The following PDE4C variants were observed in gnomAD, a reference collection of about 807,000 sequenced individuals.
PDE4C encodes the protein 3',5'-cyclic-AMP phosphodiesterase 4C.
A neutral mutation model predicts 63.9 loss-of-function variants in PDE4C; 50 were observed. The ratio of observed to expected loss-of-function variants is 0.78; its 90% CI spans 0.62 to 0.99. PDE4C has a LOEUF of 0.99. Ranked by LOEUF, PDE4C falls within the 50% of genes least tolerant of loss-of-function variation. The pLI is 0.00. For missense variants in PDE4C, 777 were observed against 899.1 expected, an observed-to-expected ratio of 0.86 and a Z score of 1.74; for synonymous variants, 377 against 385.1, an observed-to-expected ratio of 0.98 and a Z score of 0.25.
At chr19:18,218,269 G>A (rs542655430) in intron 10 of PDE4C, 21 bp from the exon 11 acceptor site, 6 of 1,613,778 alleles carry the variant, frequency 3.7e-6, no homozygotes, top group East Asian at 2.2e-5. Flanking sequence ...AGAGGGCACA[G>A]GCGGTGAGGG....
rs1274286647 is a variant in PDE4C, at chr19:18,220,736, C to A, written c.499+138G>T. On this transcript the variant is annotated intron_variant, in intron 5 of 14. Coordinates refer to ENST00000262805, the Ensembl canonical transcript of PDE4C. This position sits in a 1 kb window ranked among gnomAD's most constrained non-coding sequence, Gnocchi z 5.1. ...GTAATATGAGTGTGGTGGGGTCCAT[C>A]CCCGAGGGCGTTATTGTTTTTGCAG... 2.2e-6 allele frequency: 2 copies of A among 910,568 alleles called. No homozygotes were observed. Among genetic ancestry groups the A allele is most frequent in the Admixed American group, 4.1e-5 (2 of 48,424 alleles). 56.4% of individuals were successfully genotyped at this position (910,568 alleles called of 1,614,324 possible).
rs1287118743 is a variant in PDE4C at position 18,222,339 on chromosome 19, G to T, written c.147-16C>A. 6.2e-7 allele frequency: 1 copy of T among 1,602,728 alleles called. No homozygotes were observed. The highest frequency in any genetic ancestry group is 8.5e-7 in the Non-Finnish European group (1 of 1,173,732). On this transcript the variant is annotated splice_polypyrimidine_tract_variant and intron_variant, in intron 1 of 14. Coordinates refer to ENST00000262805, the Ensembl canonical transcript of PDE4C. ...CAGGTCAAAGCTGAAAGGAGAGACGGCATGGTCAGAGACGAGGGTCATGAC... is the reference window on the plus strand; with the variant it reads ...CAGGTCAAAGCTGAAAGGAGAGACGTCATGGTCAGAGACGAGGGTCATGAC...
upstream of PDE4C, among the ~76,000 whole-genome samples, chr19:18,229,323 C>T (rs1236407923): frequency 6.6e-6 from 1 of 151,988 alleles, no homozygotes; most frequent in African/African-American, 2.4e-5. Flanking sequence ...TCACTGCAAC[C>T]TCTGCCTCCT....
chr19:18,240,513 A>G (rs561829063), intron 1 of PDE4C, among the ~76,000 whole-genome samples: 68 of 151,892 alleles, frequency 4.5e-4, no homozygotes, highest in African/African-American at 1.6e-3. Flanking sequence ...GGATCACAAG[A>G]TCAAGAGATC....
At chr19:18,240,425 C>CA (rs35192077) in intron 1 of PDE4C, among the ~76,000 whole-genome samples, 55,562 of 114,246 alleles carry the variant, frequency 0.49, 13,905 homozygotes, top group African/African-American at 0.61. Context: ...GAAACTCTGT[C>CA]AAAAAAAAAA....
chr19:18,218,019 A>G, intron 11 of PDE4C, 130 bp downstream of exon 11: 1 of 711,694 alleles, frequency 1.4e-6, no homozygotes, highest in Non-Finnish European at 2.5e-6. Context: ...GGGAGGGAAA[A>G]CTGTCATAGT....
intron 1 of PDE4C, among the ~76,000 whole-genome samples, chr19:18,225,185 A>G (rs1459636739): frequency 2.0e-5 from 3 of 152,110 alleles, no homozygotes; most frequent in Admixed American, 2.0e-4. Context: ...GGCTGTGGGA[A>G]CGGCGCGGCT....
rs772774240 is a variant in PDE4C, at chr19:18,222,168, T to C, written c.302A>G (p.Lys101Arg). The change falls in exon 2 of 15, where the codon AAG (lysine) becomes AGG (arginine). Residue 101 changes from lysine (K) to arginine (R), a missense_variant. Lys to Arg is a conservative substitution (Grantham distance 26). Around this residue, in one of 3 missense-constraint regions of PDE4C, gnomAD observed 249 missense variants for 247.8 expected, o/e 1.00. Coordinates refer to ENST00000262805, the Ensembl canonical transcript of PDE4C. ...CACAGAGGAGTTCCGAGACATGGCC[T>C]TGGGCGAGAGTTCATAGTCGCTATC... 5.0e-6 allele frequency: 8 copies of C among 1,613,856 alleles called. No individual in the cohort carries two copies. In the South Asian group the frequency reaches 5.5e-5, roughly 11 times the overall value.
chr19:18,220,164 T>C lies in PDE4C; in HGVS notation c.706+62A>G. 7.6e-7 allele frequency: 1 copy of C among 1,321,470 alleles called. No individual in the cohort carries two copies. Among genetic ancestry groups the C allele is most frequent in the Non-Finnish European group, 1.1e-6 (1 of 915,972 alleles). The allele number at this position is 1,321,470 out of a possible 1,614,324, so 81.9% of individuals were successfully genotyped here. A position where few individuals can be genotyped will look rare whatever the true frequency, so the allele number is the denominator to read the frequency against. On this transcript the variant is annotated intron_variant, in intron 7 of 14. Transcript: ENST00000262805. The surrounding 1 kb of genome is among the most constrained non-coding windows in gnomAD (Gnocchi z 5.1). ...CCCAGACTGAGGTCTATCATAGGAA[T>C]CTTTCTTTTGTTTCTTAGTACTCCT...
chr19:18,221,072 C>A, intron 4 of PDE4C, 33 bp downstream of exon 4: 1 of 1,104,208 alleles, frequency 9.1e-7, no homozygotes, highest in Admixed American at 3.9e-5. Flanking sequence ...TCTCTGCCGG[C>A]CCCGCCCCCG....
upstream of PDE4C, among the ~76,000 whole-genome samples, chr19:18,251,412 C>T (rs991259939): frequency 5.3e-5 from 8 of 151,564 alleles, no homozygotes; most frequent in East Asian, 1.4e-3. Flanking sequence ...AGATGTGAAC[C>T]ACCACGCCCA....
chr19:18,211,283 CG>C lies in PDE4C; in HGVS notation c.1696-8del, dbSNP rs771790751. 1.2e-5 allele frequency: 18 copies of C among 1,564,872 alleles called. No individual in the cohort carries two copies. The African/African-American group carries it at 1.8e-4, about 15-fold the overall frequency. On this transcript the variant is annotated splice_region_variant and splice_polypyrimidine_tract_variant and intron_variant, in intron 14 of 14. Coordinates refer to ENST00000262805, the Ensembl canonical transcript of PDE4C. The stretch of plus-strand genomic sequence containing the variant: ...TGTAGTCAATGAAACCCACCTGTGG[CG>C]GGGGGTGGGGCATGTCGGCATTTGG...
intron 1 of PDE4C, among the ~76,000 whole-genome samples, chr19:18,232,335 C>T (rs952616284): frequency 6.6e-6 from 1 of 151,682 alleles, no homozygotes; most frequent in Admixed American, 6.6e-5. Context: ...TGCACTTGTA[C>T]CTGGGCAACA....
At chr19:18,246,426 A>C (rs1390041627) in intron 1 of PDE4C, among the ~76,000 whole-genome samples, 1 of 150,212 alleles carries the variant, frequency 6.7e-6, no homozygotes, top group Admixed American at 6.6e-5. Flanking sequence ...CAAGCGATCC[A>C]CCTGCCTCGG....
chr19:18,227,521 G>C (rs978168709), upstream of PDE4C, among the ~76,000 whole-genome samples: 1 of 152,142 alleles, frequency 6.6e-6, no homozygotes, highest in South Asian at 2.1e-4. Flanking sequence ...GACTGGGGGG[G>C]GCCTCTGGTG....
At chr19:18,211,084 G>T (rs551540885) in exon 15 of PDE4C, 23 of 1,614,194 alleles carry the variant, frequency 1.4e-5, no homozygotes, top group Non-Finnish European at 1.9e-5. Context: ...GCCTCCTCCA[G>T]AGTCAGTTCA....
intron 12 of PDE4C, among the ~76,000 whole-genome samples, chr19:18,215,595 A>C (rs1968156422): frequency 6.6e-6 from 1 of 151,776 alleles, no homozygotes; most frequent in African/African-American, 2.4e-5. Context: ...GCTCACTGCA[A>C]TCTCCGCCTC....
At chr19:18,221,157 C>A in exon 4 of PDE4C, 1 of 1,566,304 alleles carries the variant, frequency 6.4e-7, no homozygotes, top group East Asian at 2.3e-5. Flanking sequence ...TTGCTCCGAA[C>A]GGTCCGCAGA....
At chr19:18,244,810 C>CTT (rs531303939) in intron 1 of PDE4C, among the ~76,000 whole-genome samples, 12,422 of 146,380 alleles carry the variant, frequency 0.085, 817 homozygotes, top group East Asian at 0.37. Context: ...CAGTGACCAG[C>CTT]TTTTTTTTTT....
Sources: allele counts gnomAD v4.1 joint callset (sites outside exome capture counted in the v4.1 genomes callset), GRCh38; gene constraint gnomAD v4.1.1; regional missense constraint gnomAD v4.1.1; non-coding constraint Gnocchi (gnomAD v3.1); transcripts MANE v1.5; gene names NCBI Gene and HGNC (gene_info 2026-07-23, HGNC 2026-07-21).